Variants in ZNF43 observed in about 807,000 individuals in gnomAD.
ZNF43 encodes the protein zinc finger protein 43.
ZNF43 carries 44 observed loss-of-function variants against 68.4 expected under a neutral mutation model. The observed-to-expected ratio is 0.64, with a 90% CI of 0.51 to 0.83. The LOEUF (loss-of-function observed/expected upper bound fraction) is 0.83. ZNF43 is among the 40% of genes least tolerant of loss of function. The pLI is 0.00. For synonymous variants in ZNF43, 308 were observed against 307.8 expected (o/e 1.00, Z -0.01); for missense variants, 896 against 933.2 (o/e 0.96, Z 0.52).
chr19:21,852,019 CG>C (rs1307130192), exon 1 of ZNF43: 1 of 1,452,538 alleles, frequency 6.9e-7, no homozygotes, highest in African/African-American at 1.4e-5. Flanking sequence ...AGTTGGAGAA[CG>C]CGGAAAAGCA....
At position 21,808,707 on chromosome 19, in the gene ZNF43, G is replaced by A; in HGVS notation, c.1330C>T (p.His444Tyr). The part of the protein sequence containing the change: ...AFNWPSTLTK[H>Y]NRIHTGEKPY... ...TTCTCTCCAGTATGAATTCTGTTAT[G>A]TTTAGTAAGGGTTGAGGGCCAGTTA... The change falls in exon 4 of 4, where the codon CAT becomes TAT. Residue 444 changes from histidine to tyrosine, a missense_variant. By Grantham distance (83) the His-to-Tyr change is moderately conservative. Transcript: ENST00000354959. 1 of 1,612,778 alleles carries A rather than the reference G, an allele frequency of 6.2e-7. No homozygotes were observed. The highest frequency in any genetic ancestry group is 8.5e-7 in the Non-Finnish European group (1 of 1,179,762).
rs201675321 is a variant in ZNF43, at chr19:21,836,046, C to G, written c.-8G>C. 1.1e-4 allele frequency: 177 copies of G among 1,613,882 alleles called. No individual in the cohort carries two copies. In the Middle Eastern group the frequency reaches 1.6e-3, roughly 15 times the overall value. ...GACCGGCACTCTCACCATTTCTAGGCTTCCGGGGGGTCCTGGCGTCTTAGC... is the reference window on the plus strand; with the variant it reads ...GACCGGCACTCTCACCATTTCTAGGGTTCCGGGGGGTCCTGGCGTCTTAGC... On this transcript the variant is annotated 5_prime_UTR_variant, in exon 1 of 4. Coordinates refer to ENST00000354959, the MANE Select transcript of ZNF43 (RefSeq NM_003423.4).
chr19:21,816,456 G>A (rs1215888889), intron 3 of ZNF43, among the ~76,000 whole-genome samples: 5 of 152,074 alleles, frequency 3.3e-5, no homozygotes, highest in South Asian at 2.1e-4. Flanking sequence ...GGCAAACTAC[G>A]GGACCCCTGT....
intron 1 of ZNF43, among the ~76,000 whole-genome samples, chr19:21,827,853 G>A (rs1194742767): frequency 5.3e-5 from 8 of 151,950 alleles, no homozygotes; most frequent in Admixed American, 5.3e-4. Context: ...TAAAGTTGGA[G>A]TTTCTCCATG....
At position 21,832,214 on chromosome 19, in the gene ZNF43, C is replaced by A. The variant is rs937317449; in HGVS notation, c.3+3822G>T. Among the ~76,000 whole-genome samples, 143 of 151,936 alleles carry A rather than the reference C, an allele frequency of 9.4e-4. 2 individuals carry two copies. Among genetic ancestry groups the A allele is most frequent in the Non-Finnish European group, 4.4e-5 (3 of 67,994 alleles). On this transcript the variant is annotated intron_variant, in intron 1 of 3. Coordinates refer to ENST00000354959, the MANE Select transcript of ZNF43 (RefSeq NM_003423.4). Reference sequence around the variant, plus strand: ...TAGACAAATGCAACAGAATAGAGAGCCCAGAAATAATGCCACACACCTACA... The same window carrying A: ...TAGACAAATGCAACAGAATAGAGAGACCAGAAATAATGCCACACACCTACA...
At position 21,836,180 on chromosome 19, in the gene ZNF43, G is replaced by A. The variant is rs1369816209; in HGVS notation, c.-142C>T. 1 of 1,520,892 alleles carries A rather than the reference G, an allele frequency of 6.6e-7. No individual in the cohort carries two copies. Among genetic ancestry groups the A allele is most frequent in the African/African-American group, 1.4e-5 (1 of 72,602 alleles). The allele number at this position is 1,520,892 out of a possible 1,614,324, so 94.2% of individuals were successfully genotyped here. A position where few individuals can be genotyped will look rare whatever the true frequency, so the allele number is the denominator to read the frequency against. On this transcript the variant is annotated 5_prime_UTR_variant, in exon 1 of 4. Transcript: ENST00000354959. The stretch of plus-strand genomic sequence containing the variant: ...ACGCAGAGCTCCAACTGCAGCCAGA[G>A]ACAAAGGCCCCGCCACATCCCGGAA...
rs530485889 is a variant in ZNF43, at chr19:21,821,214, C to T, written c.4-1993G>A. Among the ~76,000 whole-genome samples the T allele has an allele frequency of 3.3e-5, 5 of 150,424 alleles. No individual in the cohort carries two copies. In the East Asian group the frequency reaches 9.9e-4, roughly 30 times the overall value. On this transcript the variant is annotated intron_variant, in intron 1 of 3. Transcript: ENST00000354959. ...GGCTAGAGTGCGGTGGCGCGAATCT[C>T]CGCTCACTGCAAGCTCCTCCTCCTG...
chr19:21,826,264 G>A (rs1406559338), intron 1 of ZNF43, among the ~76,000 whole-genome samples: 2 of 152,090 alleles, frequency 1.3e-5, no homozygotes, highest in Non-Finnish European at 2.9e-5. Flanking sequence ...GTTTCCTCTA[G>A]ATTAAAGGTT....
intron 1 of ZNF43, chr19:21,841,485 G>A (rs1359856916): frequency 6.6e-6 from 1 of 152,234 alleles, no homozygotes; most frequent in African/African-American, 2.4e-5. Context: ...TGCAGGCAAG[G>A]CCTGGGCACA....
intron 1 of ZNF43, among the ~76,000 whole-genome samples, chr19:21,842,688 C>G (rs1321380787): frequency 6.6e-6 from 1 of 152,102 alleles, no homozygotes; most frequent in Non-Finnish European, 1.5e-5. Flanking sequence ...AAGACTGAGG[C>G]ATGGAACAAA....
chr19:21,828,287 A>G (rs2038231269), intron 1 of ZNF43, among the ~76,000 whole-genome samples: 1 of 152,232 alleles, frequency 6.6e-6, no homozygotes, highest in Admixed American at 6.5e-5. Context: ...GAATATTAAA[A>G]TAACTATTTA....
At chr19:21,847,414 T>C (rs1225796390) in intron 1 of ZNF43, among the ~76,000 whole-genome samples, 2 of 152,152 alleles carry the variant, frequency 1.3e-5, no homozygotes, top group African/African-American at 2.4e-5. Context: ...GTAACATTAC[T>C]GGTCAGGCGC....
chr19:21,805,183 T>G lies in ZNF43; in HGVS notation c.*2424A>C, dbSNP rs1381218812. The G allele has an allele frequency of 6.6e-6, 1 of 152,146 alleles. No homozygotes were observed. Among genetic ancestry groups the G allele is most frequent in the Admixed American group, 6.6e-5 (1 of 15,264 alleles). 9.4% of individuals were successfully genotyped at this position (152,146 alleles called of 1,614,324 possible). A position where few individuals can be genotyped will look rare whatever the true frequency, so the allele number is the denominator to read the frequency against. On this transcript the variant is annotated 3_prime_UTR_variant, in exon 4 of 4. Coordinates refer to ENST00000354959, the MANE Select transcript of ZNF43 (RefSeq NM_003423.4). ...TATATTGCATAAATATATACACATT[T>G]GGCCAGGTGCAGTGGCTCATGCCTG... is the stretch of plus-strand genomic sequence containing the variant.
chr19:21,846,186 C>A (rs1289641155), intron 1 of ZNF43, among the ~76,000 whole-genome samples: 1 of 152,062 alleles, frequency 6.6e-6, no homozygotes, highest in South Asian at 2.1e-4. Flanking sequence ...GTAGCACAAT[C>A]ACTACAGTGG....
chr19:21,826,161 A>T lies in ZNF43; in HGVS notation c.4-6940T>A, dbSNP rs138199138. ...GCGACTACAGTTAATTACATATACC[A>T]AATAGGCAAAAAAACAATTCCACCT... On this transcript the variant is annotated intron_variant, in intron 1 of 3. Transcript: ENST00000354959. Among the ~76,000 whole-genome samples the T allele has an allele frequency of 3.7e-4, 57 of 152,326 alleles. 1 individual carries two copies. The highest frequency in any genetic ancestry group is 1.3e-3 in the African/African-American group (53 of 41,582).
chr19:21,841,088 A>C (rs1967498592), upstream of ZNF43: 1 of 152,214 alleles, frequency 6.6e-6, no homozygotes, highest in Non-Finnish European at 1.5e-5. Flanking sequence ...TGGCCCTATG[A>C]TAACACTCTC....
chr19:21,815,045 G>A (rs2037454885), intron 3 of ZNF43, among the ~76,000 whole-genome samples: 1 of 151,874 alleles, frequency 6.6e-6, no homozygotes, highest in South Asian at 2.1e-4. Flanking sequence ...AAAATTAGCT[G>A]GGCATGATGG....
chr19:21,844,921 A>AAAAAAAAAAAAAATATATAT (rs1310761266), intron 1 of ZNF43, among the ~76,000 whole-genome samples: 1 of 26,052 alleles, frequency 3.8e-5, no homozygotes, highest in African/African-American at 2.2e-4. Context: ...AAAAAAAAAA[A>AAAAAAAAAAAAAATATATAT]ATATATATAT....
rs535568359 is a variant in ZNF43, at chr19:21,832,263, T to C, written c.3+3773A>G. On this transcript the variant is annotated intron_variant, in intron 1 of 3. Coordinates refer to ENST00000354959, the MANE Select transcript of ZNF43 (RefSeq NM_003423.4). The stretch of plus-strand genomic sequence containing the variant: ...CAACCATCTGATCTTCAACAAAGCT[T>C]ACAAGAGAAATGTAAAAAAAAATTT... Among the ~76,000 whole-genome samples, 4 of 152,146 alleles carry C rather than the reference T, an allele frequency of 2.6e-5. No homozygotes were observed. The East Asian group carries it at 7.7e-4, about 29-fold the overall frequency.
Sources: gnomAD v4.1 joint callset for allele counts (sites outside exome capture counted in the v4.1 genomes callset) on GRCh38, gnomAD v4.1.1 for gene constraint, MANE v1.5 for transcripts, NCBI Gene and HGNC (gene_info 2026-07-23, HGNC 2026-07-21) for gene names.